NR3C2: variants seen among roughly 807,000 people sequenced by gnomAD.
The protein encoded by NR3C2 is mineralocorticoid receptor.
In NR3C2, 15 loss-of-function variants were observed where a neutral mutation model predicts 86.4. The observed-to-expected ratio is 0.17, with a 90% confidence interval of 0.12 to 0.27. The LOEUF is 0.27. Ranked by LOEUF, NR3C2 falls within the 10% of genes least tolerant of loss-of-function variation. The probability of loss-of-function intolerance (pLI) is 1.00; values close to 1 mark genes in which losing one functional copy is unlikely to be tolerated. For synonymous variants in NR3C2, 458 were observed against 450.5 expected (o/e 1.02, Z -0.21); for missense variants, 960 against 1,195.6 (o/e 0.80, Z 2.91).
intron 2 of NR3C2, among the ~76,000 whole-genome samples, chr4:148,393,814 G>C (rs1296580598): frequency 1.3e-5 from 2 of 152,180 alleles, no homozygotes; most frequent in Admixed American, 6.5e-5. Context: ...CTTCTTGACT[G>C]GAATACTCTG....
chr4:148,399,769 GC>G (rs1466260860), intron 2 of NR3C2, among the ~76,000 whole-genome samples: 1 of 151,680 alleles, frequency 6.6e-6, no homozygotes, highest in South Asian at 2.1e-4. Flanking sequence ...TCCTTCCATG[GC>G]TTTTTATTCC....
intron 2 of NR3C2, among the ~76,000 whole-genome samples, chr4:148,309,522 A>G (rs900854115): frequency 2.6e-5 from 4 of 152,184 alleles, no homozygotes; most frequent in Admixed American, 1.3e-4. Context: ...TAGTAAGAAG[A>G]GACACACATG....
At chr4:148,344,032 A>C (rs1215420759) in intron 2 of NR3C2, among the ~76,000 whole-genome samples, 1 of 152,184 alleles carries the variant, frequency 6.6e-6, no homozygotes, top group Non-Finnish European at 1.5e-5. Context: ...ACTACCGCAT[A>C]AGCTATATCT....
intron 2 of NR3C2, among the ~76,000 whole-genome samples, chr4:148,344,318 G>A (rs1171629474): frequency 6.6e-6 from 1 of 152,104 alleles, no homozygotes; most frequent in Non-Finnish European, 1.5e-5. Flanking sequence ...TGAAATACTG[G>A]AATTATAAGT....
intron 2 of NR3C2, among the ~76,000 whole-genome samples, chr4:148,377,226 A>G (rs1176688925): frequency 6.6e-6 from 1 of 152,214 alleles, no homozygotes; most frequent in Non-Finnish European, 1.5e-5. Flanking sequence ...TGGGGCAGGA[A>G]GAAGAGTATA....
chr4:148,082,628 C>G (rs1214099136), intron 8 of NR3C2, among the ~76,000 whole-genome samples: 1 of 150,498 alleles, frequency 6.6e-6, no homozygotes, highest in Non-Finnish European at 1.5e-5. Context: ...AAGCACAAAA[C>G]TGGGCACTGG....
At chr4:148,337,372 T>G (rs1744545626) in intron 2 of NR3C2, among the ~76,000 whole-genome samples, 1 of 152,194 alleles carries the variant, frequency 6.6e-6, no homozygotes, top group Non-Finnish European at 1.5e-5. Context: ...CAAACCTAAG[T>G]CAAGTTGACT....
At chr4:148,159,792 C>T (rs11733477) in intron 4 of NR3C2, among the ~76,000 whole-genome samples, 152,388 of 152,388 alleles carry the variant, frequency 1, 76,194 homozygotes, top group Non-Finnish European at 1. Context: ...AGGAACATTG[C>T]TGGCTGAAGA....
At chr4:148,355,828 G>A (rs941207084) in intron 2 of NR3C2, among the ~76,000 whole-genome samples, 3 of 152,162 alleles carry the variant, frequency 2.0e-5, no homozygotes, top group African/African-American at 7.2e-5. Flanking sequence ...GAAATCTAAA[G>A]AGGAAAAGCA....
At chr4:148,342,331 G>A (rs989214601) in intron 2 of NR3C2, among the ~76,000 whole-genome samples, 9 of 151,922 alleles carry the variant, frequency 5.9e-5, no homozygotes, top group African/African-American at 1.7e-4. Flanking sequence ...GGTGCGTGAC[G>A]GTCAGCATTA....
At chr4:148,323,668 T>C (rs1052207705) in intron 2 of NR3C2, among the ~76,000 whole-genome samples, 2 of 152,104 alleles carry the variant, frequency 1.3e-5, no homozygotes, top group African/African-American at 4.8e-5. Context: ...ACCCCTTTCT[T>C]TGACTCGGAA....
At chr4:148,092,659 C>A (rs1185588249) in intron 8 of NR3C2, among the ~76,000 whole-genome samples, 2 of 152,152 alleles carry the variant, frequency 1.3e-5, no homozygotes, top group African/African-American at 2.4e-5. Flanking sequence ...TTTTGTGGCA[C>A]CAATATTGCA....
rs369092774 is a variant in NR3C2, at chr4:148,435,795, G to A, written c.1066C>T (p.Arg356Trp). ...SGTSAGSSTL[R>W]DVVPSPDTQE... is the part of the protein sequence containing the mutation. ...GTGTCTGGACTGGGAACCACATCCC[G>A]CAATGTACTGGATCCAGCAGAGGTG... Residue 356 changes from arginine to tryptophan, a missense_variant, in exon 2 of 9, where the codon CGG (arginine) becomes TGG (tryptophan). By Grantham distance (101) the Arg-to-Trp change is moderately radical (BLOSUM62 -3). Coordinates refer to ENST00000358102, the MANE Select transcript of NR3C2 (RefSeq NM_000901.5). 14 of 1,614,132 alleles carry A rather than the reference G, an allele frequency of 8.7e-6. No individual in the cohort carries two copies. The highest frequency in any genetic ancestry group is 6.6e-5 in the South Asian group (6 of 91,076).
At chr4:148,442,536 G>A (rs1488204090), upstream of NR3C2, 2 of 522,648 alleles carry the variant, frequency 3.8e-6, no homozygotes, top group Non-Finnish European at 4.9e-6. Flanking sequence ...CGGGTCACAT[G>A]TCCAGATAAA....
chr4:148,422,833 AAGTTTTACCTTCATTCAAACAAAAC>A (rs1749346661), intron 2 of NR3C2, among the ~76,000 whole-genome samples: 1 of 152,076 alleles, frequency 6.6e-6, no homozygotes. Context: ...TGAAATCATC[AAGTTTTACCTTCATTCAAACAAAAC>A]TATTCTGCTC....
intron 3 of NR3C2, among the ~76,000 whole-genome samples, chr4:148,209,817 G>A (rs902921750): frequency 6.6e-6 from 1 of 152,106 alleles, no homozygotes; most frequent in Non-Finnish European, 1.5e-5. Context: ...ATCCCATCCA[G>A]CCTTAAGTCT....
chr4:148,412,139 T>C (rs1323455513), intron 2 of NR3C2, among the ~76,000 whole-genome samples: 2 of 152,158 alleles, frequency 1.3e-5, no homozygotes, highest in Non-Finnish European at 2.9e-5. Context: ...TAGGGACTAA[T>C]GCCTGGAAAG....
intron 2 of NR3C2, among the ~76,000 whole-genome samples, chr4:148,316,046 ATGGTTAAAAG>A: frequency 6.6e-6 from 1 of 152,320 alleles, no homozygotes; most frequent in East Asian, 1.9e-4. Flanking sequence ...GCCAACTAGA[ATGGTTAAAAG>A]TAGAAAAACA....
chr4:148,163,295 TG>T (rs2149777140), intron 4 of NR3C2, among the ~76,000 whole-genome samples: 1 of 152,288 alleles, frequency 6.6e-6, no homozygotes, highest in East Asian at 1.9e-4. Flanking sequence ...AAGAAAGTGA[TG>T]AAATGAGTTA....
Sources: allele counts gnomAD v4.1 joint callset (sites outside exome capture counted in the v4.1 genomes callset), GRCh38; gene constraint gnomAD v4.1.1; transcripts MANE v1.5; gene names NCBI Gene and HGNC (gene_info 2026-07-23, HGNC 2026-07-21).